The following MAGI2 variants were observed in gnomAD, a reference collection of about 807,000 sequenced individuals.
The protein encoded by MAGI2 is membrane-associated guanylate kinase, WW and PDZ domain-containing protein 2.
In MAGI2, 35 loss-of-function variants were observed where a neutral mutation model predicts 133.3. That is an observed-to-expected ratio of 0.26 (90% CI 0.20 to 0.35). MAGI2 has a LOEUF of 0.35. Ranked by LOEUF, MAGI2 falls within the 10% of genes least tolerant of loss-of-function variation. MAGI2 has a pLI of 1.00. For missense variants in MAGI2, 1,636 were observed against 1,863.4 expected (o/e 0.88, Z 2.25); for synonymous variants, 729 against 710.6 (o/e 1.03, Z -0.41).
chr7:78,054,163 T>A (rs1025854908), intron 21 of MAGI2, among the ~76,000 whole-genome samples: 6 of 152,232 alleles, frequency 3.9e-5, no homozygotes, highest in Admixed American at 1.3e-4. Context: ...TCTCGATCTG[T>A]CGCCCAGGTT....
intron 9 of MAGI2, among the ~76,000 whole-genome samples, chr7:78,291,478 T>A (rs921762966): frequency 3.9e-5 from 6 of 152,128 alleles, no homozygotes; most frequent in Admixed American, 6.5e-5. Flanking sequence ...ACCAGATGGA[T>A]TCACAGCCGA....
chr7:78,100,531 T>C (rs1349959437), intron 20 of MAGI2, among the ~76,000 whole-genome samples: 3 of 152,084 alleles, frequency 2.0e-5, no homozygotes, highest in Non-Finnish European at 4.4e-5. Flanking sequence ...TTTAAATTTT[T>C]TGTAGAGATG....
chr7:78,156,583 G>A (rs899721047), intron 16 of MAGI2, among the ~76,000 whole-genome samples: 1 of 152,008 alleles, frequency 6.6e-6, no homozygotes, highest in Non-Finnish European at 1.5e-5. Flanking sequence ...CATGATTGAG[G>A]TATTAAAGTG....
At position 78,153,964 on chromosome 7, in the gene MAGI2, A is replaced by C. The variant is rs556142853; in HGVS notation, c.2845+6061T>G. Among the ~76,000 whole-genome samples the C allele has an allele frequency of 9.2e-5, 14 of 152,344 alleles. No individual in the cohort carries two copies. The East Asian group carries it at 2.5e-3, about 27-fold the overall frequency. On this transcript the variant is annotated intron_variant, in intron 16 of 21. Coordinates refer to ENST00000354212, the MANE Select transcript of MAGI2 (RefSeq NM_012301.4). ...TTGAATCTCCTTGTTTTGAGGCAAG[A>C]GTAGAGAGACCTTGGCTTTTGTTTT...
rs184597975 is a variant in MAGI2, at chr7:79,333,658, G to A, written c.301+119362C>T. Among the ~76,000 whole-genome samples, 10 of 152,170 alleles carry A rather than the reference G, an allele frequency of 6.6e-5. No homozygotes were observed. In the East Asian group the frequency reaches 1.9e-3, roughly 29 times the overall value. ...CTTTTTTAAAAAACTTTCAAAACAT[G>A]ATTCATTTAAATTACTGATGTAGGC... On this transcript the variant is annotated intron_variant, in intron 1 of 21. Coordinates refer to ENST00000354212, the MANE Select transcript of MAGI2 (RefSeq NM_012301.4).
At chr7:78,526,242 G>T (rs191484218) in intron 3 of MAGI2, among the ~76,000 whole-genome samples, 1 of 152,304 alleles carries the variant, frequency 6.6e-6, no homozygotes, top group Admixed American at 6.5e-5. Flanking sequence ...CAAAGCCACA[G>T]TCAATGAACA....
At chr7:78,871,219 G>C (rs1795005612) in intron 2 of MAGI2, among the ~76,000 whole-genome samples, 1 of 152,130 alleles carries the variant, frequency 6.6e-6, no homozygotes, top group Non-Finnish European at 1.5e-5. Flanking sequence ...GTTGAGGCAG[G>C]AGAATGGCGT....
At position 78,018,888 on chromosome 7, in the gene MAGI2, G is replaced by A. The variant is rs1290412447; in HGVS notation, c.*427C>T. 2 of 367,312 alleles carry A rather than the reference G, an allele frequency of 5.4e-6. No homozygotes were observed. Among genetic ancestry groups the A allele is most frequent in the Non-Finnish European group, 9.7e-6 (2 of 206,788 alleles). 22.8% of individuals were successfully genotyped at this position (367,312 alleles called of 1,614,324 possible). ...TATAATCTTGTCTCAGTTTCAGCTT[G>A]CTCCGTGCAGTTTGATTTTTAAGGC... On this transcript the variant is annotated 3_prime_UTR_variant, in exon 22 of 22. Transcript: ENST00000354212.
intron 1 of MAGI2, among the ~76,000 whole-genome samples, chr7:79,327,139 A>C (rs1240295388): frequency 6.6e-6 from 1 of 152,142 alleles, no homozygotes. Context: ...GACCTGGGGT[A>C]AACTGCTGAC....
intron 3 of MAGI2, among the ~76,000 whole-genome samples, chr7:78,573,343 T>TAA (rs1220739228): frequency 4.3e-5 from 3 of 69,098 alleles, no homozygotes; most frequent in African/African-American, 2.1e-4. Context: ...AATATATATA[T>TAA]ATAGAGAGAG....
intron 2 of MAGI2, among the ~76,000 whole-genome samples, chr7:78,666,955 T>C (rs1036315781): frequency 3.3e-5 from 5 of 152,134 alleles, no homozygotes; most frequent in South Asian, 2.1e-4. Context: ...CTACTATATA[T>C]GGGAAAAATT....
At chr7:78,739,129 C>T (rs1332759153) in intron 2 of MAGI2, among the ~76,000 whole-genome samples, 5 of 152,104 alleles carry the variant, frequency 3.3e-5, no homozygotes, top group Non-Finnish European at 5.9e-5. Flanking sequence ...CAGGTGAATG[C>T]TTTTTTCCCC....
intron 1 of MAGI2, chr7:79,415,619 A>G (rs773001890): frequency 1.1e-4 from 16 of 152,184 alleles, no homozygotes; most frequent in African/African-American, 2.9e-4. Flanking sequence ...ATGGTGAAAA[A>G]TCACAGAAAA....
chr7:79,399,959 G>A (rs1232594111), intron 1 of MAGI2, among the ~76,000 whole-genome samples: 1 of 152,166 alleles, frequency 6.6e-6, no homozygotes, highest in Non-Finnish European at 1.5e-5. Flanking sequence ...GAATATTTTA[G>A]TCGCATATAT....
chr7:78,638,974 T>C (rs1307820389), intron 2 of MAGI2, among the ~76,000 whole-genome samples: 1 of 152,166 alleles, frequency 6.6e-6, no homozygotes, highest in African/African-American at 2.4e-5. Flanking sequence ...TATATTTAGT[T>C]TGAAGCTTTT....
chr7:78,198,295 C>T (rs2150749385), intron 11 of MAGI2, among the ~76,000 whole-genome samples: 1 of 152,234 alleles, frequency 6.6e-6, no homozygotes. Flanking sequence ...GTCTGTATCT[C>T]TTGGTGAATG....
intron 2 of MAGI2, among the ~76,000 whole-genome samples, chr7:78,741,368 A>G (rs905993051): frequency 2.2e-5 from 3 of 134,530 alleles, no homozygotes; most frequent in African/African-American, 5.6e-5. Flanking sequence ...ATAGAAGAAA[A>G]AAGTTGAAAC....
chr7:78,833,779 C>T (rs914908480), intron 2 of MAGI2, among the ~76,000 whole-genome samples: 1 of 152,154 alleles, frequency 6.6e-6, no homozygotes, highest in African/African-American at 2.4e-5. Context: ...TGTACTATAC[C>T]CTGCCTAATA....
chr7:78,332,696 TCAAAA>T (rs869294329), intron 9 of MAGI2, among the ~76,000 whole-genome samples: 1 of 35,122 alleles, frequency 2.8e-5, no homozygotes, highest in African/African-American at 1.8e-4. Context: ...AGACTCCGTC[TCAAAA>T]AAAAAAAAAA....
Sources: allele counts gnomAD v4.1 joint callset (sites outside exome capture counted in the v4.1 genomes callset), GRCh38; gene constraint gnomAD v4.1.1; transcripts MANE v1.5; gene names NCBI Gene and HGNC (gene_info 2026-07-23, HGNC 2026-07-21).